Variants in GRB14 observed in about 807,000 individuals in gnomAD.
GRB14 encodes growth factor receptor-bound protein 14.
GRB14 carries 38 observed loss-of-function variants against 69.1 expected under a neutral mutation model. The observed-to-expected ratio is 0.55, with a 90% CI of 0.42 to 0.72. The LOEUF is 0.72. Ranked by LOEUF, GRB14 falls within the 30% of genes least tolerant of loss-of-function variation. GRB14 has a pLI of 0.00. For missense variants in GRB14, 666 were observed against 666.1 expected (o/e 1.00, Z 0.00); for synonymous variants, 247 against 241.3 (o/e 1.02, Z -0.22).
Position 164,502,298 on chromosome 2 carries a change from T to C in GRB14, c.1061A>G (p.Tyr354Cys), listed in dbSNP as rs1236366486. 8.7e-6 allele frequency: 14 copies of C among 1,606,258 alleles called. No individual in the cohort carries two copies. The South Asian group carries it at 1.2e-4, about 14-fold the overall frequency. The change falls in exon 9 of 14, where the codon TAT becomes TGT. Residue 354 changes from tyrosine (Y) to cysteine (C), a missense_variant. Tyr to Cys is a radical substitution (Grantham distance 194, BLOSUM62 -2). Coordinates refer to ENST00000263915, the MANE Select transcript of GRB14 (RefSeq NM_004490.3). Reference protein sequence around the residue: ...MQLYQNYMHPYQGRSGCSSQS... With the variant: ...MQLYQNYMHPCQGRSGCSSQS... The stretch of plus-strand genomic sequence containing the variant: ...TGAACTGCAGCCACTTCTACCTTGA[T>C]ATGGATGCATATAATTCTGGTACAG...
intron 2 of GRB14, among the ~76,000 whole-genome samples, chr2:164,583,044 A>G (rs1574331920): frequency 6.6e-6 from 1 of 152,108 alleles, no homozygotes; most frequent in East Asian, 1.9e-4. Context: ...CACCATCCAC[A>G]CTTCCCCAGC....
rs1690171503 is a variant in GRB14 at position 164,611,728 on chromosome 2, C to T, written c.324+7959G>A. ...TAATATTTGAACTATGACTTTGCTG[C>T]AGTTTCTAGTTTAACCAGACCCTTC... is the stretch of plus-strand genomic sequence containing the variant. On this transcript the variant is annotated intron_variant, in intron 2 of 13. Transcript: ENST00000263915. 2.6e-5 allele frequency among the ~76,000 whole-genome samples: 4 copies of T among 151,982 alleles called. No homozygotes were observed. In the Middle Eastern group the frequency reaches 0.01, roughly 390 times the overall value.
intron 3 of GRB14, among the ~76,000 whole-genome samples, chr2:164,541,004 A>G (rs919927038): frequency 3.9e-5 from 6 of 152,234 alleles, no homozygotes; most frequent in African/African-American, 1.2e-4. Flanking sequence ...AAGGTAGTCT[A>G]TAAGAGTTAA....
chr2:164,514,554 G>C (rs900009126), intron 6 of GRB14, among the ~76,000 whole-genome samples: 1 of 152,164 alleles, frequency 6.6e-6, no homozygotes, highest in African/African-American at 2.4e-5. Context: ...GGCACTCTCG[G>C]TCCCTGGGGA....
chr2:164,507,237 G>A (rs919500528), intron 8 of GRB14, among the ~76,000 whole-genome samples: 44 of 152,202 alleles, frequency 2.9e-4, no homozygotes, highest in African/African-American at 9.9e-4. Context: ...TCAACAGAGA[G>A]CAGAAGAGGT....
In GRB14 at chr2:164,522,037, T is replaced by C. The variant is rs1483136716; in HGVS notation, c.759A>G (p.Lys253=). Residue 253 remains lysine, a synonymous_variant, in exon 6 of 14, where the codon AAA becomes AAG. Coordinates refer to ENST00000263915, the MANE Select transcript of GRB14 (RefSeq NM_004490.3). ...AKEQGKKSWK[K]IYFFLRRSGL... ...CAGATCTTCTTAGAAAAAAGTAAAT[T>C]TTTTTCCAAGACTTCTTTCCCTGTT... 6.2e-7 allele frequency: 1 copy of C among 1,604,600 alleles called. No homozygotes were observed. Among genetic ancestry groups the C allele is most frequent in the South Asian group, 1.1e-5 (1 of 90,362 alleles).
chr2:164,564,429 T>C (rs1688914252), intron 2 of GRB14, among the ~76,000 whole-genome samples: 1 of 152,216 alleles, frequency 6.6e-6, no homozygotes, highest in African/African-American at 2.4e-5. Context: ...AAATCACTTT[T>C]AGAAAATCAT....
chr2:164,555,653 T>G (rs931206088), intron 2 of GRB14, among the ~76,000 whole-genome samples: 2 of 150,234 alleles, frequency 1.3e-5, no homozygotes, highest in African/African-American at 4.9e-5. Context: ...TAAATTTATT[T>G]TAAATATCAT....
At chr2:164,594,665 CG>C (rs1444002128) in intron 2 of GRB14, among the ~76,000 whole-genome samples, 1 of 152,146 alleles carries the variant, frequency 6.6e-6, no homozygotes, top group Non-Finnish European at 1.5e-5. Flanking sequence ...TAATGGAAGT[CG>C]CCACATTTAA....
intron 6 of GRB14, among the ~76,000 whole-genome samples, chr2:164,518,597 A>G (rs1687553394): frequency 6.6e-6 from 1 of 152,114 alleles, no homozygotes; most frequent in Non-Finnish European, 1.5e-5. Context: ...CTTTGTAAAG[A>G]TAAATAAAAT....
chr2:164,608,536 C>T (rs1294661158), intron 2 of GRB14, among the ~76,000 whole-genome samples: 3 of 151,552 alleles, frequency 2.0e-5, no homozygotes, highest in African/African-American at 4.9e-5. Context: ...AAAGTAACCC[C>T]TTATATATCC....
At chr2:164,607,031 C>T (rs1690058968) in intron 2 of GRB14, among the ~76,000 whole-genome samples, 2 of 152,116 alleles carry the variant, frequency 1.3e-5, no homozygotes, top group Non-Finnish European at 1.5e-5. Flanking sequence ...AGAACAGAAC[C>T]CATTCTGACC....
chr2:164,532,701 T>C (rs1687979226), intron 3 of GRB14, among the ~76,000 whole-genome samples: 1 of 152,202 alleles, frequency 6.6e-6, no homozygotes, highest in Non-Finnish European at 1.5e-5. Flanking sequence ...GGAATCTCCC[T>C]AAGGTTCTTG....
At chr2:164,508,202 A>G (rs1038722651) in intron 8 of GRB14, among the ~76,000 whole-genome samples, 4 of 152,248 alleles carry the variant, frequency 2.6e-5, no homozygotes, top group Non-Finnish European at 5.9e-5. Context: ...ATACCTTCAC[A>G]AAAGTGAAAA....
At chr2:164,570,676 A>G (rs1689104725) in intron 2 of GRB14, among the ~76,000 whole-genome samples, 1 of 152,218 alleles carries the variant, frequency 6.6e-6, no homozygotes, top group Admixed American at 6.5e-5. Flanking sequence ...ACACAGGGTC[A>G]AGGTCTCAAA....
intron 2 of GRB14, among the ~76,000 whole-genome samples, chr2:164,565,529 C>G (rs1434223820): frequency 6.6e-6 from 1 of 152,144 alleles, no homozygotes; most frequent in African/African-American, 2.4e-5. Flanking sequence ...CTATTTCTAG[C>G]TCTGCCACTG....
At chr2:164,565,098 T>C (rs1688937385) in intron 2 of GRB14, among the ~76,000 whole-genome samples, 1 of 152,172 alleles carries the variant, frequency 6.6e-6, no homozygotes, top group South Asian at 2.1e-4. Context: ...AATCAGGATA[T>C]GGATGTAAGG....
At chr2:164,505,978 T>G (rs1687178516) in intron 8 of GRB14, among the ~76,000 whole-genome samples, 2 of 152,188 alleles carry the variant, frequency 1.3e-5, no homozygotes, top group Non-Finnish European at 2.9e-5. Context: ...TGTCAAACTT[T>G]AAGCCCAAGT....
intron 2 of GRB14, among the ~76,000 whole-genome samples, chr2:164,576,853 A>G (rs975887095): frequency 6.6e-6 from 1 of 151,836 alleles, no homozygotes; most frequent in African/African-American, 2.4e-5. Context: ...GATAAAACTA[A>G]TAAGTTCTGA....
Sources: allele counts gnomAD v4.1 joint callset (sites outside exome capture counted in the v4.1 genomes callset), GRCh38; gene constraint gnomAD v4.1.1; transcripts MANE v1.5; gene names NCBI Gene and HGNC (gene_info 2026-07-23, HGNC 2026-07-21).